The following STXBP5L variants were observed in gnomAD, a reference collection of about 807,000 sequenced individuals.
The protein encoded by STXBP5L is syntaxin-binding protein 5-like.
In STXBP5L, 65 loss-of-function variants were observed where a neutral mutation model predicts 144.5. That is an observed-to-expected ratio of 0.45 (90% CI 0.37 to 0.55). STXBP5L has a LOEUF of 0.55. Among genes scored for constraint, STXBP5L ranks in the 20% least tolerant of loss-of-function variants. STXBP5L has a pLI of 0.00. For missense variants in STXBP5L, 1,298 were observed against 1,405.5 expected (o/e 0.92, Z 1.22); for synonymous variants, 505 against 469.6 (o/e 1.08, Z -0.97).
chr3:121,089,722 C>G (rs2042684590), intron 5 of STXBP5L, among the ~76,000 whole-genome samples: 1 of 151,722 alleles, frequency 6.6e-6, no homozygotes, highest in Non-Finnish European at 1.5e-5. Flanking sequence ...ATTGATAGAT[C>G]TATTGGTTTT....
At chr3:121,177,214 C>T (rs1235997706) in intron 9 of STXBP5L, among the ~76,000 whole-genome samples, 11 of 151,976 alleles carry the variant, frequency 7.2e-5, no homozygotes, top group Admixed American at 5.9e-4. Flanking sequence ...GCTGAGCCCA[C>T]GTCATCAACT....
At chr3:121,358,593 C>T (rs982810917) in intron 20 of STXBP5L, among the ~76,000 whole-genome samples, 12 of 152,296 alleles carry the variant, frequency 7.9e-5, no homozygotes, top group Admixed American at 7.2e-4. Flanking sequence ...GATTCAGTCA[C>T]CTCCCACCAG....
intron 3 of STXBP5L, among the ~76,000 whole-genome samples, chr3:121,012,502 T>C (rs1375173251): frequency 6.6e-6 from 1 of 151,738 alleles, no homozygotes; most frequent in African/African-American, 2.4e-5. Context: ...CTATTGTTTA[T>C]TTTTTTGAAT....
At chr3:121,018,710 T>C (rs1945320587) in intron 3 of STXBP5L, among the ~76,000 whole-genome samples, 1 of 152,110 alleles carries the variant, frequency 6.6e-6, no homozygotes, top group Non-Finnish European at 1.5e-5. Flanking sequence ...AAAGAATCGG[T>C]AACTTGGATT....
At chr3:120,950,435 T>C (rs1287490587) in intron 2 of STXBP5L, among the ~76,000 whole-genome samples, 1 of 152,112 alleles carries the variant, frequency 6.6e-6, no homozygotes, top group African/African-American at 2.4e-5. Context: ...TGTATAAGTT[T>C]TGAAATAGAA....
rs199935630 is a variant in STXBP5L, at chr3:121,222,692, AGTAC to A, written c.957-308_957-305del. Among the ~76,000 whole-genome samples, 904 of 152,288 alleles carry A rather than the reference AGTAC, an allele frequency of 5.9e-3. 8 individuals are homozygous for A. The highest frequency in any genetic ancestry group is 0.02 in the African/African-American group (833 of 41,580). Reference sequence around the variant, plus strand: ...GATTTAGAGTTTGGGAACCAAGTAAAGTACGTGAAGATGTCCTTTTGAGAGTCAG... The same window carrying A: ...GATTTAGAGTTTGGGAACCAAGTAAAGTGAAGATGTCCTTTTGAGAGTCAG... On this transcript the variant is annotated intron_variant, in intron 10 of 26. Transcript: ENST00000471454.
At chr3:121,097,308 G>A (rs917779163) in intron 5 of STXBP5L, among the ~76,000 whole-genome samples, 2 of 152,184 alleles carry the variant, frequency 1.3e-5, no homozygotes, top group Non-Finnish European at 2.9e-5. Flanking sequence ...CCCCTTTCCA[G>A]GGGAGTGAAC....
intron 19 of STXBP5L, among the ~76,000 whole-genome samples, chr3:121,281,940 T>C (rs1336437610): frequency 6.6e-6 from 1 of 151,634 alleles, no homozygotes; most frequent in African/African-American, 2.4e-5. Context: ...AAGTGTATTT[T>C]GTAAAAACAT....
chr3:121,177,761 C>T (rs1209435732), intron 9 of STXBP5L, among the ~76,000 whole-genome samples: 1 of 152,150 alleles, frequency 6.6e-6, no homozygotes, highest in Non-Finnish European at 1.5e-5. Context: ...ATTTGATCTA[C>T]CAGTTTCACT....
At chr3:121,313,219 AC>A (rs201619403) in intron 19 of STXBP5L, among the ~76,000 whole-genome samples, 5,335 of 100,200 alleles carry the variant, frequency 0.053, 121 homozygotes, top group Admixed American at 0.16. Flanking sequence ...AGGGGGGCTG[AC>A]CCCCCCCACC....
chr3:121,070,814 A>G (rs2041776436), intron 5 of STXBP5L, among the ~76,000 whole-genome samples: 1 of 152,166 alleles, frequency 6.6e-6, no homozygotes, highest in Admixed American at 6.5e-5. Flanking sequence ...TTATGCGAGT[A>G]CGGGAATACT....
chr3:121,312,445 T>TA (rs2043569707), intron 19 of STXBP5L, among the ~76,000 whole-genome samples: 1 of 44,700 alleles, frequency 2.2e-5, no homozygotes, highest in Admixed American at 2.6e-4. Flanking sequence ...GGTATGTCAA[T>TA]CTTTTTTTTT....
At chr3:120,943,987 T>G (rs1045911892) in intron 2 of STXBP5L, among the ~76,000 whole-genome samples, 2 of 151,540 alleles carry the variant, frequency 1.3e-5, no homozygotes, top group African/African-American at 2.4e-5. Flanking sequence ...GGGACTGAAT[T>G]AGTGATAAGC....
intron 20 of STXBP5L, among the ~76,000 whole-genome samples, 189 bp from the exon 21 acceptor site, chr3:121,378,527 C>A (rs954348960): frequency 6.6e-6 from 1 of 152,106 alleles, no homozygotes; most frequent in Admixed American, 6.5e-5. Flanking sequence ...TAATAAATAT[C>A]TTTTGAAATT....
intron 7 of STXBP5L, among the ~76,000 whole-genome samples, chr3:121,122,697 C>A (rs1379113565): frequency 6.6e-6 from 1 of 151,392 alleles, no homozygotes; most frequent in East Asian, 1.9e-4. Flanking sequence ...CTCATAGATA[C>A]ATAAAGAACC....
chr3:121,054,707 T>C (rs1479786261), intron 5 of STXBP5L, among the ~76,000 whole-genome samples: 1 of 151,974 alleles, frequency 6.6e-6, no homozygotes, highest in Non-Finnish European at 1.5e-5. Flanking sequence ...ACCTGCACAT[T>C]GTGCACATGT....
At chr3:120,926,124 G>C (rs1338022373) in intron 2 of STXBP5L, among the ~76,000 whole-genome samples, 4 of 152,182 alleles carry the variant, frequency 2.6e-5, no homozygotes, top group Middle Eastern at 3.4e-3. Flanking sequence ...AGAGTATTCT[G>C]GGTTTGTCTG....
intron 3 of STXBP5L, among the ~76,000 whole-genome samples, chr3:120,981,222 T>G (rs1006707065): frequency 6.6e-6 from 1 of 152,182 alleles, no homozygotes; most frequent in Non-Finnish European, 1.5e-5. Flanking sequence ...AGGAGTTTTC[T>G]GACTTTCTTG....
At chr3:120,998,528 C>A (rs944518226) in intron 3 of STXBP5L, among the ~76,000 whole-genome samples, 1 of 152,232 alleles carries the variant, frequency 6.6e-6, no homozygotes, top group East Asian at 1.9e-4. Context: ...GCTATCCCTC[C>A]CCTAGCTGAC....
Sources: allele counts gnomAD v4.1 joint callset (sites outside exome capture counted in the v4.1 genomes callset), GRCh38; gene constraint gnomAD v4.1.1; transcripts MANE v1.5; gene names NCBI Gene and HGNC (gene_info 2026-07-23, HGNC 2026-07-21).